Variants in CYRIA observed in about 807,000 individuals in gnomAD.
The protein encoded by CYRIA is CYFIP related Rac1 interactor A.
A neutral mutation model predicts 43.9 loss-of-function variants in CYRIA; 15 were observed. That is an observed-to-expected ratio of 0.34 (90% CI 0.23 to 0.53). CYRIA has a LOEUF of 0.53. Among genes scored for constraint, CYRIA ranks in the 20% least tolerant of loss-of-function variants. The probability of loss-of-function intolerance (pLI) is 0.94; values close to 1 mark genes in which losing one functional copy is unlikely to be tolerated. For synonymous variants in CYRIA, 117 were observed against 136.0 expected (o/e 0.86, Z 0.97); for missense variants, 236 against 394.2 (o/e 0.60, Z 3.40).
chr2:16,579,407 T>G (rs1667468081), intron 3 of CYRIA, among the ~76,000 whole-genome samples: 1 of 136,020 alleles, frequency 7.4e-6, no homozygotes, highest in African/African-American at 3.2e-5. Context: ...CTTATTAAAA[T>G]CACATGCACA....
rs1666250349 is a variant in CYRIA, at chr2:16,550,257, A to G, written c.*2679T>C. The G allele has an allele frequency of 1.3e-5, 2 of 151,564 alleles. No homozygotes were observed. Among genetic ancestry groups the G allele is most frequent in the Admixed American group, 1.3e-4 (2 of 15,172 alleles). The allele number at this position is 151,564 out of a possible 1,614,324, so 9.4% of individuals were successfully genotyped here. On this transcript the variant is annotated 3_prime_UTR_variant, in exon 12 of 12. Transcript: ENST00000381323. The stretch of plus-strand genomic sequence containing the variant: ...TAAACCACCCGTAAGTCTTGGACGC[A>G]TGTGCATGCAGCACACACACACACA...
intron 2 of CYRIA, among the ~76,000 whole-genome samples, chr2:16,611,460 C>T (rs1225554507): frequency 2.6e-5 from 4 of 152,160 alleles, no homozygotes; most frequent in Non-Finnish European, 5.9e-5. Flanking sequence ...ATGGCTCTTG[C>T]AGTAAGGACC....
At chr2:16,560,413 T>C (rs927185286) in intron 9 of CYRIA, among the ~76,000 whole-genome samples, 1 of 152,134 alleles carries the variant, frequency 6.6e-6, no homozygotes, top group African/African-American at 2.4e-5. Context: ...AACCCGAGGC[T>C]CAGGAAGTCA....
In CYRIA at chr2:16,663,242, A is replaced by G. The variant is rs139141129; in HGVS notation, c.-167+2538T>C. Among the ~76,000 whole-genome samples the G allele has an allele frequency of 3.9e-5, 6 of 152,350 alleles. No homozygotes were observed. The East Asian group carries it at 1.2e-3, about 29-fold the overall frequency. On this transcript the variant is annotated intron_variant, in intron 1 of 11. Coordinates refer to ENST00000381323, the MANE Select transcript of CYRIA (RefSeq NM_030797.4). ...TATGCCATCCTAAAAGAACAAGAAA[A>G]TGTGGCCAGTAGGATAGATGCTGTC...
At chr2:16,620,072 G>T (rs961446698) in intron 2 of CYRIA, among the ~76,000 whole-genome samples, 13 of 152,196 alleles carry the variant, frequency 8.5e-5, no homozygotes, top group African/African-American at 3.1e-4. Context: ...GAAACTCCTT[G>T]AGGTGCTGAC....
At chr2:16,664,542 C>T (rs1558447776) in intron 1 of CYRIA, among the ~76,000 whole-genome samples, 1 of 152,152 alleles carries the variant, frequency 6.6e-6, no homozygotes, top group Non-Finnish European at 1.5e-5. Context: ...CGAACCCCAA[C>T]CAGAGATCAG....
chr2:16,612,295 G>T (rs917624908), intron 2 of CYRIA, among the ~76,000 whole-genome samples: 1 of 152,000 alleles, frequency 6.6e-6, no homozygotes, highest in African/African-American at 2.4e-5. Context: ...AGGAAAGGAG[G>T]GCATGTGGAT....
chr2:16,660,759 G>A (rs1670230906), intron 1 of CYRIA, among the ~76,000 whole-genome samples: 1 of 152,202 alleles, frequency 6.6e-6, no homozygotes, highest in African/African-American at 2.4e-5. Flanking sequence ...TTATTAGAAA[G>A]TGAAGTCATT....
chr2:16,610,892 C>T (rs62122741), intron 2 of CYRIA, among the ~76,000 whole-genome samples: 41,162 of 92,178 alleles, frequency 0.45, 7,353 homozygotes, highest in African/African-American at 0.54. Flanking sequence ...TTCTTTTAGT[C>T]CCAACATATA....
intron 1 of CYRIA, among the ~76,000 whole-genome samples, chr2:16,658,698 C>CT (rs754910919): frequency 6.6e-6 from 1 of 152,122 alleles, no homozygotes; most frequent in Admixed American, 6.6e-5. Flanking sequence ...CTTTCCTTTC[C>CT]TTTTTTTCTT....
At chr2:16,593,099 C>A (rs973005973) in intron 2 of CYRIA, among the ~76,000 whole-genome samples, 2 of 152,186 alleles carry the variant, frequency 1.3e-5, no homozygotes, top group Admixed American at 6.5e-5. Flanking sequence ...ACCATGTATA[C>A]TGTAAAGGGC....
chr2:16,558,663 C>CTTCATTCA (rs892205503), intron 10 of CYRIA, among the ~76,000 whole-genome samples: 2 of 152,152 alleles, frequency 1.3e-5, no homozygotes, highest in Admixed American at 1.3e-4. Flanking sequence ...TTTCAATTAT[C>CTTCATTCA]TTCATTCATT....
At chr2:16,625,209 T>C (rs1329127383) in intron 1 of CYRIA, among the ~76,000 whole-genome samples, 1 of 152,144 alleles carries the variant, frequency 6.6e-6, no homozygotes, top group African/African-American at 2.4e-5. Context: ...CAAGACTTCC[T>C]GCCAGGCTCC....
chr2:16,632,806 C>A (rs986102530), intron 1 of CYRIA, among the ~76,000 whole-genome samples: 1 of 152,098 alleles, frequency 6.6e-6, no homozygotes, highest in Non-Finnish European at 1.5e-5. Flanking sequence ...CTGGCAATTG[C>A]GCTCCAGACA....
chr2:16,557,462 G>A (rs1035504967), intron 10 of CYRIA, among the ~76,000 whole-genome samples: 14 of 152,060 alleles, frequency 9.2e-5, no homozygotes, highest in African/African-American at 3.4e-4. Context: ...TGATGCTGAT[G>A]CCCTAATGAT....
chr2:16,648,318 T>C (rs1321901305), intron 1 of CYRIA, among the ~76,000 whole-genome samples: 1 of 124,966 alleles, frequency 8.0e-6, no homozygotes, highest in Non-Finnish European at 1.6e-5. Flanking sequence ...GGAACAACAA[T>C]GACAACAGCA....
At chr2:16,572,491 G>A (rs1667168669) in intron 3 of CYRIA, among the ~76,000 whole-genome samples, 1 of 152,104 alleles carries the variant, frequency 6.6e-6, no homozygotes, top group Non-Finnish European at 1.5e-5. Context: ...AGCCTCCTCT[G>A]AACAGCTTAG....
chr2:16,630,163 C>G (rs1669286628), intron 1 of CYRIA, among the ~76,000 whole-genome samples: 1 of 152,184 alleles, frequency 6.6e-6, no homozygotes, highest in Non-Finnish European at 1.5e-5. Context: ...CTGGAAATGG[C>G]AGTGCTCCTA....
chr2:16,575,810 T>C (rs1031560717), intron 3 of CYRIA, among the ~76,000 whole-genome samples: 7 of 151,728 alleles, frequency 4.6e-5, no homozygotes, highest in African/African-American at 7.3e-5. Context: ...GAGCCGAGAT[T>C]GCGCCACTGC....
Sources: gnomAD v4.1 joint callset for allele counts (sites outside exome capture counted in the v4.1 genomes callset) on GRCh38, gnomAD v4.1.1 for gene constraint, MANE v1.5 for transcripts, NCBI Gene and HGNC (gene_info 2026-07-23, HGNC 2026-07-21) for gene names.